ASB17: variants seen among roughly 807,000 people sequenced by gnomAD.
ASB17 encodes ankyrin repeat and SOCS box containing 17, also known as ankyrin repeat and SOCS box protein 17.
ASB17 carries 26 observed loss-of-function variants against 25.7 expected under a neutral mutation model. The observed-to-expected ratio is 1.01, with a 90% CI of 0.74 to 1.40. The LOEUF is 1.40. Ranked by LOEUF, ASB17 falls within the 40% of genes most tolerant of loss-of-function variation. The pLI, the probability that ASB17 is intolerant of heterozygous loss-of-function variation, is 0.00. For missense variants in ASB17, 326 were observed against 338.5 expected, an observed-to-expected ratio of 0.96 and a Z score of 0.29; for synonymous variants, 128 against 121.4, an observed-to-expected ratio of 1.05 and a Z score of -0.36.
At position 75,919,012 on chromosome 1, in the gene ASB17, A is replaced by G; in HGVS notation, c.828T>C (p.Asp276=). The G allele has an allele frequency of 6.2e-7, 1 of 1,613,024 alleles. No homozygotes were observed. Among genetic ancestry groups the G allele is most frequent in the Non-Finnish European group, 8.5e-7 (1 of 1,179,224 alleles). Reference sequence around the variant, plus strand: ...CAGGAATTAGAAGTGAAAATATTCCATCTGGGAGCATATTGTTGGTTAATA... The same window carrying G: ...CAGGAATTAGAAGTGAAAATATTCCGTCTGGGAGCATATTGTTGGTTAATA... ...NQLLTNNMLP[D]GIFSLLIPAR... is the part of the protein sequence containing the mutation. The change falls in exon 3 of 3, where the codon GAT becomes GAC. Residue 276 remains aspartate, a synonymous_variant. Coordinates refer to ENST00000284142, the MANE Select transcript of ASB17 (RefSeq NM_080868.3).
chr1:75,921,868 A>G (rs12086506), intron 2 of ASB17, among the ~76,000 whole-genome samples: 8,122 of 152,120 alleles, frequency 0.053, 373 homozygotes, highest in African/African-American at 0.12. Flanking sequence ...TGAACTATAC[A>G]TATAACTTAA....
rs1390982385 is a variant in ASB17 at position 75,918,911 on chromosome 1, A to C, written c.*41T>G. 2 of 1,491,320 alleles carry C rather than the reference A, an allele frequency of 1.3e-6. No individual in the cohort carries two copies. Among genetic ancestry groups the C allele is most frequent in the Non-Finnish European group, 9.4e-7 (1 of 1,068,990 alleles). 92.4% of individuals were successfully genotyped at this position (1,491,320 alleles called of 1,614,324 possible). A position where few individuals can be genotyped will look rare whatever the true frequency, so the allele number is the denominator to read the frequency against. On this transcript the variant is annotated 3_prime_UTR_variant, in exon 3 of 3. Coordinates refer to ENST00000284142, the MANE Select transcript of ASB17 (RefSeq NM_080868.3). ...ATTTTTATTAACTTCTAAGCCATAC[A>C]TTGGTAAGCATTGTTAAGGAACTTA...
At chr1:75,925,585 A>G (rs1165610109) in intron 1 of ASB17, among the ~76,000 whole-genome samples, 1 of 152,120 alleles carries the variant, frequency 6.6e-6, no homozygotes, top group Non-Finnish European at 1.5e-5. Context: ...CTTAATCTGT[A>G]CTGACAGTTA....
At chr1:75,927,055 A>G (rs1437162439) in intron 1 of ASB17, among the ~76,000 whole-genome samples, 2 of 152,192 alleles carry the variant, frequency 1.3e-5, no homozygotes, top group East Asian at 1.9e-4. Flanking sequence ...AGCAGAGTCA[A>G]TGAATAAGAT....
intron 1 of ASB17, among the ~76,000 whole-genome samples, chr1:75,928,861 GA>G (rs1382201530): frequency 3.3e-5 from 5 of 152,154 alleles, no homozygotes; most frequent in Non-Finnish European, 7.4e-5. Context: ...GCAAACCAAT[GA>G]AAAAGGAACA....
At chr1:75,920,600 A>G (rs747829652) in intron 2 of ASB17, among the ~76,000 whole-genome samples, 1 of 152,176 alleles carries the variant, frequency 6.6e-6, no homozygotes, top group Non-Finnish European at 1.5e-5. Context: ...TGCAGAACAG[A>G]GGTATTTAAA....
chr1:75,922,216 A>T lies in ASB17; in HGVS notation c.545T>A (p.Val182Asp). 1 of 1,613,920 alleles carries T rather than the reference A, an allele frequency of 6.2e-7. No individual in the cohort carries two copies. Among genetic ancestry groups the T allele is most frequent in the Middle Eastern group, 1.7e-4 (1 of 6,056 alleles). Residue 182 changes from valine to aspartate, a missense_variant, in exon 2 of 3, where the codon GTC (valine) becomes GAC (aspartate). Transcript: ENST00000284142. ...CGAAGGGTAGAGTACTATTGTTAAG[A>T]CAATGTTGATAGGGTTTTTTTCTCT... ...LEREKNPINI[V>D]LTIVLYPSRV...
intron 2 of ASB17, among the ~76,000 whole-genome samples, chr1:75,921,746 G>C (rs1298981826): frequency 6.6e-6 from 1 of 152,096 alleles, no homozygotes; most frequent in African/African-American, 2.4e-5. Context: ...GAAATATTCT[G>C]TTGGAAAGGA....
rs1653343096 is a variant in ASB17 at position 75,932,247 on chromosome 1, T to A, written c.45A>T (p.Arg15Ser). Residue 15 changes from arginine to serine, a missense_variant, in exon 1 of 3, where the codon AGA becomes AGT. Transcript: ENST00000284142. ...CAAGGAGATTGCAGAATATATTGCT[T>A]CTTGGACAAGAAGTCTTACCACATA... ...TKLCGKTSCP[R>S]SNIFCNLLDK... 6.2e-7 allele frequency: 1 copy of A among 1,613,246 alleles called. No homozygotes were observed. The highest frequency in any genetic ancestry group is 1.1e-5 in the South Asian group (1 of 90,876).
chr1:75,931,825 AG>A, intron 1 of ASB17, 65 bp downstream of exon 1: 1 of 1,427,624 alleles, frequency 7.0e-7, no homozygotes, highest in Non-Finnish European at 9.3e-7. Context: ...TTTAGAAAAA[AG>A]AAGCACTCTA....
chr1:75,927,600 A>G (rs1653205293), intron 1 of ASB17, among the ~76,000 whole-genome samples: 1 of 152,164 alleles, frequency 6.6e-6, no homozygotes, highest in Non-Finnish European at 1.5e-5. Context: ...AACTAAGTAC[A>G]TGTACTATGC....
chr1:75,932,354 A>G lies in ASB17; in HGVS notation c.-63T>C, dbSNP rs1187633965. ...GTAAGCATACTGTAATCCTCCAGTT[A>G]CATATTTTGACAATGTGGCAGGCTT... On this transcript the variant is annotated 5_prime_UTR_variant, in exon 1 of 3. The change abolishes the stop of an existing upstream ORF in the 5' untranslated region. Coordinates refer to ENST00000284142, the MANE Select transcript of ASB17 (RefSeq NM_080868.3). 7.0e-7 allele frequency: 1 copy of G among 1,428,084 alleles called. No homozygotes were observed. The highest frequency in any genetic ancestry group is 9.5e-7 in the Non-Finnish European group (1 of 1,057,494). 88.5% of individuals were successfully genotyped at this position (1,428,084 alleles called of 1,614,324 possible).
intron 1 of ASB17, among the ~76,000 whole-genome samples, chr1:75,928,516 C>A (rs929907177): frequency 6.6e-6 from 1 of 152,110 alleles, no homozygotes; most frequent in African/African-American, 2.4e-5. Flanking sequence ...GGGAAATTAT[C>A]AAATTAGAGT....
intron 1 of ASB17, among the ~76,000 whole-genome samples, chr1:75,928,168 GCTCT>G (rs929902844): frequency 6.6e-5 from 10 of 152,090 alleles, no homozygotes; most frequent in Non-Finnish European, 1.5e-4. Context: ...TTCCTTCTCT[GCTCT>G]CTCTACCTGT....
chr1:75,929,090 A>G (rs1653249631), intron 1 of ASB17, among the ~76,000 whole-genome samples: 1 of 152,226 alleles, frequency 6.6e-6, no homozygotes, highest in Non-Finnish European at 1.5e-5. Context: ...ATGAACTTGA[A>G]GATGTTCAAG....
intron 1 of ASB17, among the ~76,000 whole-genome samples, chr1:75,928,083 A>T (rs1653222163): frequency 6.6e-6 from 1 of 152,182 alleles, no homozygotes; most frequent in Non-Finnish European, 1.5e-5. Flanking sequence ...GTTATCTTTT[A>T]AAAATCAGTT....
At chr1:75,925,738 A>T (rs550357952) in intron 1 of ASB17, among the ~76,000 whole-genome samples, 1 of 152,228 alleles carries the variant, frequency 6.6e-6, no homozygotes, top group Non-Finnish European at 1.5e-5. Flanking sequence ...CCATACAGAC[A>T]TGCAGAGAAT....
At chr1:75,928,725 T>C (rs766060387) in intron 1 of ASB17, among the ~76,000 whole-genome samples, 3 of 152,186 alleles carry the variant, frequency 2.0e-5, no homozygotes, top group Non-Finnish European at 4.4e-5. Flanking sequence ...TTCAGTGCAG[T>C]ACAGGAAAGA....
In ASB17 at chr1:75,926,936, A is replaced by G. The variant is rs1653188853; in HGVS notation, c.402-4577T>C. On this transcript the variant is annotated intron_variant, in intron 1 of 2. Transcript: ENST00000284142. ...TTGGTGGGCTGAATAATGGCCCCTC[A>G]GTATGGCAAATAGGATTTTGCAGAT... is the stretch of plus-strand genomic sequence containing the variant. Among the ~76,000 whole-genome samples the G allele has an allele frequency of 2.0e-5, 3 of 152,130 alleles. No individual in the cohort carries two copies. In the South Asian group the frequency reaches 6.2e-4, roughly 32 times the overall value.
Sources: allele counts gnomAD v4.1 joint callset (sites outside exome capture counted in the v4.1 genomes callset), GRCh38; gene constraint gnomAD v4.1.1; transcripts MANE v1.5; gene names NCBI Gene and HGNC (gene_info 2026-07-23, HGNC 2026-07-21).